The following MARK2 variants were observed in gnomAD, a reference collection of about 807,000 sequenced individuals.
MARK2 encodes microtubule affinity regulating kinase 2.
MARK2 carries 16 observed loss-of-function variants against 89.8 expected under a neutral mutation model. That is an observed-to-expected ratio of 0.18 (90% CI 0.12 to 0.27). MARK2 has a LOEUF of 0.27. MARK2 is among the 10% of genes least tolerant of loss of function. MARK2 has a pLI of 1.00. For synonymous variants in MARK2, 382 were observed against 399.5 expected, an observed-to-expected ratio of 0.96 and a Z score of 0.52; for missense variants, 621 against 1,049.9, an observed-to-expected ratio of 0.59 and a Z score of 5.65.
chr11:63,868,542 T>C, intron 1 of MARK2: 1 of 307,358 alleles, frequency 3.3e-6, no homozygotes, highest in Non-Finnish European at 6.5e-6. Flanking sequence ...GGAGAAAATT[T>C]ACACCATTGC....
intron 1 of MARK2, among the ~76,000 whole-genome samples, chr11:63,875,491 A>T (rs746867754): frequency 6.6e-6 from 1 of 152,092 alleles, no homozygotes; most frequent in Non-Finnish European, 1.5e-5. Flanking sequence ...GCCTCAAATG[A>T]TCCGCCTACC....
At chr11:63,906,015 AT>A in intron 16 of MARK2, 72 bp from the exon 17 acceptor site, 1 of 1,267,182 alleles carries the variant, frequency 7.9e-7, no homozygotes, top group Non-Finnish European at 1.0e-6. Flanking sequence ...CCACCTGCTT[AT>A]CCACATACCG....
chr11:63,885,960 C>T (rs1939371592), intron 1 of MARK2, among the ~76,000 whole-genome samples: 1 of 151,678 alleles, frequency 6.6e-6, no homozygotes, highest in African/African-American at 2.4e-5. Context: ...AACCTCGTCT[C>T]TACTAAAAAT....
At chr11:63,907,026 CT>C (rs1941396354) in intron 17 of MARK2, among the ~76,000 whole-genome samples, 2 of 152,140 alleles carry the variant, frequency 1.3e-5, no homozygotes, top group Non-Finnish European at 2.9e-5. Flanking sequence ...TCACAGTCCC[CT>C]TCCTGGCTCT....
chr11:63,865,254 T>C (rs1167110024), intron 1 of MARK2, among the ~76,000 whole-genome samples: 2 of 152,078 alleles, frequency 1.3e-5, no homozygotes, highest in Non-Finnish European at 2.9e-5. Flanking sequence ...TGTTTGTTTG[T>C]TTGAGACAGA....
intron 1 of MARK2, among the ~76,000 whole-genome samples, chr11:63,887,538 T>G (rs981122376): frequency 7.9e-5 from 12 of 152,354 alleles, no homozygotes; most frequent in Middle Eastern, 3.4e-3. Flanking sequence ...CAGGAATATA[T>G]GCTTAAGTGC....
chr11:63,876,375 G>A lies in MARK2; in HGVS notation c.55-18784G>A, dbSNP rs1938756542. ...TACAGAATAAGTTGGGAAAGGATAT[G>A]TAATTATAGAAATAACCAGCATGTC... On this transcript the variant is annotated intron_variant, in intron 1 of 18. Transcript: ENST00000402010. Among the ~76,000 whole-genome samples the A allele has an allele frequency of 3.9e-5, 6 of 152,248 alleles. No individual in the cohort carries two copies. The South Asian group carries it at 1.2e-3, about 31-fold the overall frequency.
chr11:63,908,216 C>A, intron 17 of MARK2, 44 bp from the exon 18 acceptor site: 2 of 1,530,802 alleles, frequency 1.3e-6, no homozygotes, highest in Non-Finnish European at 1.8e-6. Flanking sequence ...GCGGAAGGAG[C>A]GAGAGATCCC....
At chr11:63,901,720 G>GTGTGTGTGTGTA (rs1460920893) in intron 11 of MARK2, among the ~76,000 whole-genome samples, 107 of 151,602 alleles carry the variant, frequency 7.1e-4, no homozygotes, top group African/African-American at 2.4e-3. Flanking sequence ...GTGTGTGTGT[G>GTGTGTGTGTGTA]TGTATGTGTC....
At chr11:63,871,578 G>C (rs1938456088) in intron 1 of MARK2, among the ~76,000 whole-genome samples, 1 of 150,770 alleles carries the variant, frequency 6.6e-6, no homozygotes, top group Non-Finnish European at 1.5e-5. Context: ...TGTGGGTGAA[G>C]AGTATTCACT....
rs1465699251 is a variant in MARK2, at chr11:63,839,400, G to T, written c.-107G>T. On this transcript the variant is annotated 5_prime_UTR_variant, in exon 1 of 19. The change abolishes an upstream ATG in the 5' untranslated region. Coordinates refer to ENST00000402010, the MANE Select transcript of MARK2 (RefSeq NM_001039469.3). The stretch of plus-strand genomic sequence containing the variant: ...CCCCGCACCCCCGGCCGGGGCCCAT[G>T]CGGCGGGTGCTCCTGCTGTGAGAAG... 3.1e-6 allele frequency: 2 copies of T among 654,716 alleles called. No individual in the cohort carries two copies. The highest frequency in any genetic ancestry group is 3.9e-5 in the African/African-American group (2 of 51,606). 40.6% of individuals were successfully genotyped at this position (654,716 alleles called of 1,614,324 possible). A position where few individuals can be genotyped will look rare whatever the true frequency, so the allele number is the denominator to read the frequency against.
chr11:63,882,046 C>T lies in MARK2; in HGVS notation c.55-13113C>T, dbSNP rs541670350. 1.4e-4 allele frequency among the ~76,000 whole-genome samples: 21 copies of T among 152,262 alleles called. No individual in the cohort carries two copies. The South Asian group carries it at 2.7e-3, about 20-fold the overall frequency. ...AGTGAGTGACCACTCCCCGCTAAGACGGTGTCTGGATTTGAGATAAACAAC... is the reference window on the plus strand; with the variant it reads ...AGTGAGTGACCACTCCCCGCTAAGATGGTGTCTGGATTTGAGATAAACAAC... On this transcript the variant is annotated intron_variant, in intron 1 of 18. Transcript: ENST00000402010.
chr11:63,845,480 C>A (rs2016231742), intron 1 of MARK2, among the ~76,000 whole-genome samples: 2 of 152,142 alleles, frequency 1.3e-5, no homozygotes, highest in Non-Finnish European at 1.5e-5. Context: ...CTTGGATTCT[C>A]CAGGCCTCCT....
In MARK2 at chr11:63,895,650, T is replaced by G. The variant is rs1940315606; in HGVS notation, c.288+17T>G. ...CTCCAGAAAGTAAGCACATGGCACC[T>G]CCTGTCCCTTTTTTTTTTTTTTTTT... On this transcript the variant is annotated intron_variant, in intron 3 of 18. Coordinates refer to ENST00000402010, the MANE Select transcript of MARK2 (RefSeq NM_001039469.3). The G allele has an allele frequency of 3.4e-6, 4 of 1,182,868 alleles. No homozygotes were observed. The highest frequency in any genetic ancestry group is 1.8e-5 in the African/African-American group (1 of 55,832). The allele number at this position is 1,182,868 out of a possible 1,614,324, so 73.3% of individuals were successfully genotyped here. A position where few individuals can be genotyped will look rare whatever the true frequency, so the allele number is the denominator to read the frequency against.
chr11:63,888,943 C>T (rs753007119), intron 1 of MARK2: 23 of 1,351,426 alleles, frequency 1.7e-5, no homozygotes, highest in Non-Finnish European at 1.6e-5. Context: ...CGCTGGTAGT[C>T]CTTTTCCCTT....
At chr11:63,889,032 G>C (rs372529865) in intron 1 of MARK2, 3 of 1,231,838 alleles carry the variant, frequency 2.4e-6, no homozygotes, top group East Asian at 4.7e-5. Flanking sequence ...TCAAACATAG[G>C]ATCTTTAGAG....
At chr11:63,893,659 C>T (rs1490584270) in intron 1 of MARK2, among the ~76,000 whole-genome samples, 1 of 152,010 alleles carries the variant, frequency 6.6e-6, no homozygotes, top group East Asian at 1.9e-4. Context: ...CTAGACCATA[C>T]CCTTTTTGTA....
chr11:63,849,030 G>A (rs1416319928), intron 1 of MARK2, among the ~76,000 whole-genome samples: 1 of 151,952 alleles, frequency 6.6e-6, no homozygotes, highest in South Asian at 2.1e-4. Context: ...TAAGAGACAG[G>A]GTCTCACCCT....
At chr11:63,908,326 C>A (rs916172123) in intron 18 of MARK2, 22 bp downstream of exon 18, 2 of 1,552,774 alleles carry the variant, frequency 1.3e-6, no homozygotes, top group South Asian at 2.4e-5. Context: ...GGAGCCAGCA[C>A]TGGCCCTGCC....
Sources: gnomAD v4.1 joint callset for allele counts (sites outside exome capture counted in the v4.1 genomes callset) on GRCh38, gnomAD v4.1.1 for gene constraint, MANE v1.5 for transcripts, NCBI Gene and HGNC (gene_info 2026-07-23, HGNC 2026-07-21) for gene names.